WDR24: variants seen among roughly 807,000 people sequenced by gnomAD.
WDR24 encodes WD repeat domain 24.
In WDR24, 32 loss-of-function variants were observed where a neutral mutation model predicts 66.7. The ratio of observed to expected loss-of-function variants is 0.48; its 90% confidence interval spans 0.36 to 0.64. WDR24 has a LOEUF of 0.64. Among genes scored for constraint, WDR24 ranks in the 30% least tolerant of loss-of-function variants. WDR24 has a pLI of 0.00. For synonymous variants in WDR24, 565 were observed against 469.1 expected (o/e 1.20, Z -2.64); for missense variants, 978 against 1,144.1 (o/e 0.85, Z 2.09).
intron 1 of WDR24, 118 bp from the exon 2 acceptor site, chr16:687,857 G>A (rs1440855726): frequency 4.4e-6 from 6 of 1,353,386 alleles, no homozygotes; most frequent in South Asian, 1.3e-5. Flanking sequence ...AGGCCCAGAG[G>A]GTAGAGTGGA....
Position 685,522 on chromosome 16 carries a change from G to A in WDR24, c.1754C>T (p.Pro585Leu). Reference protein sequence around the residue: ...RHEIVDTPPGPEHLQDKADSP... With the variant: ...RHEIVDTPPGLEHLQDKADSP... ...GTCGGCCTTGTCCTGCAGGTGCTCG[G>A]GCCCGGGAGGCGTGTCCACGATCTC... The change falls in exon 7 of 9, where the codon CCC becomes CTC. Residue 585 changes from proline (P) to leucine (L), a missense_variant. Transcript: ENST00000293883. 6.3e-7 allele frequency: 1 copy of A among 1,589,044 alleles called. No homozygotes were observed. Among genetic ancestry groups the A allele is most frequent in the Non-Finnish European group, 8.6e-7 (1 of 1,164,590 alleles).
rs753597399 is a variant in WDR24, at chr16:686,201, T to C, written c.1333-15A>G. On this transcript the variant is annotated splice_polypyrimidine_tract_variant and intron_variant, in intron 3 of 8. Transcript: ENST00000293883. ...GTTTGCGCCACCTAGGGGCGGGCAC[T>C]GGTCACTTGTGGGCGTCCTGGACAC... 3.1e-6 allele frequency: 5 copies of C among 1,610,894 alleles called. No individual in the cohort carries two copies. Among genetic ancestry groups the C allele is most frequent in the Middle Eastern group, 1.8e-4 (1 of 5,634 alleles).
At chr16:689,036 CT>C (rs779190825) in intron 1 of WDR24, 123 bp downstream of exon 1, 56 of 1,468,978 alleles carry the variant, frequency 3.8e-5, no homozygotes, top group Non-Finnish European at 4.8e-5. Flanking sequence ...CCCTTTCCCC[CT>C]GAGGAAGCCC....
In WDR24 at chr16:685,401, G is replaced by A; in HGVS notation, c.1875C>T (p.Asp625=). 1.2e-6 allele frequency: 2 copies of A among 1,612,628 alleles called. No homozygotes were observed. The highest frequency in any genetic ancestry group is 1.7e-6 in the Non-Finnish European group (2 of 1,179,854). ...SLLSVSHALY[D]SRLPPDFFGV... is the part of the protein sequence containing the mutation. ...CGAAGAAGTCGGGCGGCAGGCGGCT[G>A]TCGTAGAGCGCGTGTGAGACAGACA... is the stretch of plus-strand genomic sequence containing the variant. The change falls in exon 7 of 9, where the codon GAC becomes GAT. Residue 625 remains aspartate, a synonymous_variant. Transcript: ENST00000293883.
chr16:687,068 C>T lies in WDR24; in HGVS notation c.1008G>A (p.Glu336=), dbSNP rs755765451. ...AGCAGAGGCCCTCAGGGTTGGCGCGCTCGACGGGCTGGCTGGCGTCGCGGA... is the reference window on the plus strand; with the variant it reads ...AGCAGAGGCCCTCAGGGTTGGCGCGTTCGACGGGCTGGCTGGCGTCGCGGA... ...HLFRDASQPV[E]RANPEGLCYG... is the part of the protein sequence containing the mutation. Residue 336 remains glutamate, a synonymous_variant, in exon 3 of 9, where the codon GAG becomes GAA. Coordinates refer to ENST00000293883, the MANE Select transcript of WDR24 (RefSeq NM_032259.4). 3 of 1,606,172 alleles carry T rather than the reference C, an allele frequency of 1.9e-6. No individual in the cohort carries two copies. The highest frequency in any genetic ancestry group is 2.5e-6 in the Non-Finnish European group (3 of 1,179,162).
chr16:686,557 G>A (rs2039909975), intron 3 of WDR24, among the ~76,000 whole-genome samples, 187 bp downstream of exon 3: 1 of 83,012 alleles, frequency 1.2e-5, no homozygotes. Context: ...ACAGTCCTGG[G>A]TCTGGCCCAC....
chr16:685,094 G>A lies in WDR24; in HGVS notation c.2102C>T (p.Thr701Ile), dbSNP rs1354129868. 3 of 1,556,390 alleles carry A rather than the reference G, an allele frequency of 1.9e-6. No individual in the cohort carries two copies. Among genetic ancestry groups the A allele is most frequent in the Non-Finnish European group, 1.7e-6 (2 of 1,150,950 alleles). The change falls in exon 8 of 9, where the codon ACC (threonine) becomes ATC (isoleucine). Residue 701 changes from threonine (T) to isoleucine (I), a missense_variant. By Grantham distance (89) the Thr-to-Ile change is moderately conservative. Coordinates refer to ENST00000293883, the MANE Select transcript of WDR24 (RefSeq NM_032259.4). ...GTTGAGGCAGCTGACGGCGCGGCTG[G>A]TGCTCAGCTTGACCACCTCGTTGGA... Reference protein sequence around the residue: ...NVSNEVVKLSTSRAVSCLNQA... With the variant: ...NVSNEVVKLSISRAVSCLNQA...
At position 685,268 on chromosome 16, in the gene WDR24, C is replaced by G. The variant is rs777300758; in HGVS notation, c.2008G>C (p.Glu670Gln). The change falls in exon 7 of 9, where the codon GAG becomes CAG. Residue 670 changes from glutamate to glutamine, a missense_variant. Glu to Gln is a conservative substitution (Grantham distance 29). Around this residue, in one of 2 missense-constraint regions of WDR24, gnomAD observed 676 missense variants for 617.5 expected, o/e 1.09. Transcript: ENST00000293883. ...CGCCCACCACACACCTGGGTCTGCT[C>G]GTCGATGTCCTTGCGCACCCGTTCA... ...LGERVRKDID[E>Q]QTQEHWYTSY... The G allele has an allele frequency of 1.3e-6, 2 of 1,593,130 alleles. No individual in the cohort carries two copies. The highest frequency in any genetic ancestry group is 1.7e-5 in the Admixed American group (1 of 59,698).
chr16:689,823 C>T lies in WDR24; in HGVS notation c.-183G>A. On this transcript the variant is annotated 5_prime_UTR_variant, in exon 1 of 9. Transcript: ENST00000293883. Reference sequence around the variant, plus strand: ...TCTATCAGCCAATCAGCCTGACAGGCAAGCTCAAATTCACTGGAGTCTGTC... The same window carrying T: ...TCTATCAGCCAATCAGCCTGACAGGTAAGCTCAAATTCACTGGAGTCTGTC... 1.0e-6 allele frequency: 1 copy of T among 990,342 alleles called. No individual in the cohort carries two copies. Among genetic ancestry groups the T allele is most frequent in the Admixed American group, 2.0e-5 (1 of 49,328 alleles). 61.3% of individuals were successfully genotyped at this position (990,342 alleles called of 1,614,324 possible). A position where few individuals can be genotyped will look rare whatever the true frequency, so the allele number is the denominator to read the frequency against.
chr16:685,710 C>G lies in WDR24; in HGVS notation c.1647G>C (p.Glu549Asp). Residue 549 changes from glutamate to aspartate, a missense_variant, in exon 6 of 9, where the codon GAG (glutamate) becomes GAC (aspartate). Physicochemically the swap from Glu to Asp is conservative, Grantham distance 45. This residue lies in a region of WDR24 where 676 missense variants were observed against 617.5 expected (regional missense o/e 1.09). Coordinates refer to ENST00000293883, the MANE Select transcript of WDR24 (RefSeq NM_032259.4). ...CGTGTTCCGGATCCAGCAGGTACAG[C>G]TCGTCCTCCTCACCTTCCACGTCAC... Reference protein sequence around the residue: ...LLGDVEGEEDELYLLDPEHAH... With the variant: ...LLGDVEGEEDDLYLLDPEHAH... 6.2e-7 allele frequency: 1 copy of G among 1,613,252 alleles called. No homozygotes were observed. Among genetic ancestry groups the G allele is most frequent in the Non-Finnish European group, 8.5e-7 (1 of 1,180,020 alleles).
rs1311647692 is a variant in WDR24, at chr16:685,957, G to T, written c.1485C>A (p.Gly495=). The change falls in exon 5 of 9, where the codon GGC becomes GGA. Residue 495 remains glycine (G), a synonymous_variant. Coordinates refer to ENST00000293883, the MANE Select transcript of WDR24 (RefSeq NM_032259.4). ...TGCTGCGGTCCAGCCGCGTCTCACT[G>T]CCCAACCCTGGGGCCATATCCTTCA... ...FNLKDMAPGL[G]SETRLDRSKG... is the part of the protein sequence containing the mutation. 6.2e-7 allele frequency: 1 copy of T among 1,613,110 alleles called. No homozygotes were observed. The highest frequency in any genetic ancestry group is 2.2e-5 in the East Asian group (1 of 44,868).
chr16:686,302 G>A, intron 3 of WDR24, 116 bp from the exon 4 acceptor site: 2 of 1,164,640 alleles, frequency 1.7e-6, no homozygotes. Context: ...AGTACCCAAT[G>A]TCCAGGCCCA....
chr16:685,666 G>A lies in WDR24; in HGVS notation c.1678+13C>T, dbSNP rs1333542118. On this transcript the variant is annotated intron_variant, in intron 6 of 8. Transcript: ENST00000293883. The stretch of plus-strand genomic sequence containing the variant: ...CCGCCTCTGAACCCCACCCTGCCCG[G>A]ACCCCCACTCACGGTGCGCGTGTTC... The A allele has an allele frequency of 6.2e-7, 1 of 1,612,564 alleles. No individual in the cohort carries two copies. Among genetic ancestry groups the A allele is most frequent in the Non-Finnish European group, 8.5e-7 (1 of 1,180,002 alleles).
In WDR24 at chr16:686,048, G is replaced by C; in HGVS notation, c.1451+20C>G. 6.2e-7 allele frequency: 1 copy of C among 1,612,812 alleles called. No homozygotes were observed. The highest frequency in any genetic ancestry group is 8.5e-7 in the Non-Finnish European group (1 of 1,179,924). On this transcript the variant is annotated intron_variant, in intron 4 of 8. Transcript: ENST00000293883. ...CTCGAGCAGCCCCAGCCCCTGGGGA[G>C]AGCTGCCCCCGGCATCTACCTGTTC...
rs368783723 is a variant in WDR24 at position 686,128 on chromosome 16, G to A, written c.1391C>T (p.Thr464Ile). The change falls in exon 4 of 9, where the codon ACT becomes ATT. Residue 464 changes from threonine (T) to isoleucine (I), a missense_variant. Coordinates refer to ENST00000293883, the MANE Select transcript of WDR24 (RefSeq NM_032259.4). ...IIYCSPGLVP[T>I]ANLNHSVGKG... ...GCCCACACTGTGGTTGAGGTTTGCA[G>A]TGGGCACTAGGCCAGGGCTGCAGTA... is the stretch of plus-strand genomic sequence containing the variant. The A allele has an allele frequency of 1.9e-6, 3 of 1,613,134 alleles. No homozygotes were observed. Among genetic ancestry groups the A allele is most frequent in the African/African-American group, 1.3e-5 (1 of 75,048 alleles).
rs754025812 is a variant in WDR24, at chr16:685,731, G to A, written c.1626C>T (p.Asp542=). The stretch of plus-strand genomic sequence containing the variant: ...ACAGCTCGTCCTCCTCACCTTCCAC[G>A]TCACCCAGCAGGTAGTCGGCAGGTA... ...SDVPADYLLG[D]VEGEEDELYL... Residue 542 remains aspartate (D), a synonymous_variant, in exon 6 of 9, where the codon GAC becomes GAT. Coordinates refer to ENST00000293883, the MANE Select transcript of WDR24 (RefSeq NM_032259.4). 3.7e-6 allele frequency: 6 copies of A among 1,613,244 alleles called. No homozygotes were observed. The highest frequency in any genetic ancestry group is 4.5e-5 in the East Asian group (2 of 44,876).
At chr16:686,675 G>T in intron 3 of WDR24, 69 bp downstream of exon 3, 1 of 1,512,322 alleles carries the variant, frequency 6.6e-7, no homozygotes, top group African/African-American at 1.4e-5. Flanking sequence ...GGTGAGCGCA[G>T]CTGACGGAGG....
intron 3 of WDR24, 73 bp downstream of exon 3, chr16:686,671 C>G: frequency 6.7e-7 from 1 of 1,497,718 alleles, no homozygotes; most frequent in Non-Finnish European, 9.0e-7. Flanking sequence ...GTGGGGTGAG[C>G]GCAGCTGACG....
Position 684,872 on chromosome 16 carries a change from G to C in WDR24, c.2235C>G (p.Val745=). The change falls in exon 9 of 9, where the codon GTC becomes GTG. Residue 745 remains valine, a synonymous_variant. Coordinates refer to ENST00000293883, the MANE Select transcript of WDR24 (RefSeq NM_032259.4). ...RCHRCASMCA[V]CHHVVKGLFV... ...AGAGACCCTTGACTACGTGGTGGCA[G>C]ACGGCACACATGCTGGCGCAGCGGT... The C allele has an allele frequency of 2.0e-6, 3 of 1,505,092 alleles. No homozygotes were observed. Among genetic ancestry groups the C allele is most frequent in the Non-Finnish European group, 1.8e-6 (2 of 1,122,650 alleles). 93.2% of individuals were successfully genotyped at this position (1,505,092 alleles called of 1,614,324 possible).
Sources: allele counts gnomAD v4.1 joint callset (sites outside exome capture counted in the v4.1 genomes callset), GRCh38; gene constraint gnomAD v4.1.1; regional missense constraint gnomAD v4.1.1; transcripts MANE v1.5; gene names NCBI Gene and HGNC (gene_info 2026-07-23, HGNC 2026-07-21).